The following OTUD7A variants were observed in gnomAD, a reference collection of about 807,000 sequenced individuals.
The protein encoded by OTUD7A is OTU domain-containing protein 7A.
A neutral mutation model predicts 65.7 loss-of-function variants in OTUD7A; 12 were observed. The ratio of observed to expected loss-of-function variants is 0.18; its 90% CI spans 0.12 to 0.30. The LOEUF (loss-of-function observed/expected upper bound fraction) is 0.30, where lower values mean the gene tolerates loss of function less well. OTUD7A is among the 10% of genes least tolerant of loss of function. The pLI, the probability that OTUD7A is intolerant of heterozygous loss-of-function variation, is 1.00. For synonymous variants in OTUD7A, 641 were observed against 586.3 expected, an observed-to-expected ratio of 1.09 and a Z score of -1.35; for missense variants, 1,148 against 1,304.8, an observed-to-expected ratio of 0.88 and a Z score of 1.85.
intron 1 of OTUD7A, among the ~76,000 whole-genome samples, chr15:31,847,103 G>A (rs1256187212): frequency 6.6e-6 from 1 of 152,354 alleles, no homozygotes; most frequent in East Asian, 1.9e-4. Context: ...ATCCTTGTGA[G>A]TGAATGGGCC....
intron 8 of OTUD7A, among the ~76,000 whole-genome samples, chr15:31,524,920 G>C (rs1428009755): frequency 6.6e-6 from 1 of 152,216 alleles, no homozygotes; most frequent in Non-Finnish European, 1.5e-5. Context: ...AGGCAGCAGG[G>C]TACCAGACTG....
chr15:31,561,050 A>G (rs1888671244), intron 4 of OTUD7A, among the ~76,000 whole-genome samples: 1 of 152,292 alleles, frequency 6.6e-6, no homozygotes, highest in African/African-American at 2.4e-5. Flanking sequence ...TCCCATTAAA[A>G]TGAATACAGA....
chr15:31,483,354 GC>G lies in OTUD7A; in HGVS notation c.2741del (p.Cys914SerfsTer73), dbSNP rs1490921914. 1 of 1,285,302 alleles carries G rather than the reference GC, an allele frequency of 7.8e-7. No individual in the cohort carries two copies. Among genetic ancestry groups the G allele is most frequent in the Admixed American group, 3.7e-5 (1 of 26,752 alleles). The allele number at this position is 1,285,302 out of a possible 1,614,324, so 79.6% of individuals were successfully genotyped here. On this transcript the variant is annotated frameshift_variant, in exon 13 of 13. Coordinates refer to ENST00000307050, the MANE Select transcript of OTUD7A (RefSeq NM_001382637.1). LOFTEE classifies it high-confidence loss of function. ...FYGRAETEHY[C>X]SYCYREELRR... ...GCAGCTCCTCGCGGTAGCAGTAGGA[GC>G]AGTAGTGCTCGGTCTCGGCGCGCCC...
chr15:31,483,657 C>A lies in OTUD7A; in HGVS notation c.2439G>T (p.Ser813=). 8.6e-7 allele frequency: 1 copy of A among 1,169,258 alleles called. No homozygotes were observed. Among genetic ancestry groups the A allele is most frequent in the Non-Finnish European group, 1.1e-6 (1 of 949,980 alleles). 72.4% of individuals were successfully genotyped at this position (1,169,258 alleles called of 1,614,324 possible). ...CGGCGCGCGCCGGGCTGTAGCTCTG[C>A]GACGACAGCGAGCGGTTCTGCTGCG... ...TYPQQNRSLS[S]QSYSPARAAA... is the part of the protein sequence containing the mutation. The change falls in exon 13 of 13, where the codon TCG becomes TCT. Residue 813 remains serine (S), a synonymous_variant. Coordinates refer to ENST00000307050, the MANE Select transcript of OTUD7A (RefSeq NM_001382637.1).
intron 1 of OTUD7A, among the ~76,000 whole-genome samples, chr15:31,678,147 G>C (rs1892634738): frequency 6.6e-6 from 1 of 152,168 alleles, no homozygotes. Context: ...GTATCTGGTG[G>C]GAGAAATTTC....
chr15:31,790,524 A>G (rs1286640292), intron 1 of OTUD7A, among the ~76,000 whole-genome samples: 1 of 145,558 alleles, frequency 6.9e-6, no homozygotes, highest in Non-Finnish European at 1.5e-5. Context: ...TAAAAAGAGA[A>G]AGAGATTAAA....
intron 1 of OTUD7A, among the ~76,000 whole-genome samples, chr15:31,774,602 G>A (rs1288720540): frequency 6.6e-6 from 1 of 152,182 alleles, no homozygotes; most frequent in Non-Finnish European, 1.5e-5. Context: ...ACACAGTCAG[G>A]TGCATCTCCA....
chr15:31,746,953 G>T (rs1359241132), intron 1 of OTUD7A, among the ~76,000 whole-genome samples: 2 of 152,190 alleles, frequency 1.3e-5, no homozygotes, highest in East Asian at 1.9e-4. Context: ...TATATTGGTA[G>T]ATGCGTTTGT....
rs1207618782 is a variant in OTUD7A at position 31,609,663 on chromosome 15, T to C, written c.152-39466A>G. ...CTGGTAGCTGAGGACAAAGGGCATATACTCTTGGGAGTTCTAGGGTCCCAC... is the reference window on the plus strand; with the variant it reads ...CTGGTAGCTGAGGACAAAGGGCATACACTCTTGGGAGTTCTAGGGTCCCAC... On this transcript the variant is annotated intron_variant, in intron 3 of 12. Coordinates refer to ENST00000307050, the MANE Select transcript of OTUD7A (RefSeq NM_001382637.1). Among the ~76,000 whole-genome samples, 4 of 152,304 alleles carry C rather than the reference T, an allele frequency of 2.6e-5. No individual in the cohort carries two copies. The East Asian group carries it at 5.8e-4, about 22-fold the overall frequency.
chr15:31,618,894 T>A (rs1316986100), intron 3 of OTUD7A, among the ~76,000 whole-genome samples: 5 of 152,212 alleles, frequency 3.3e-5, no homozygotes, highest in Non-Finnish European at 7.3e-5. Context: ...CTTCTAGGGT[T>A]TTTATGGTTT....
chr15:31,483,830 C>A lies in OTUD7A; in HGVS notation c.2266G>T (p.Ala756Ser), dbSNP rs1203818375. 4.1e-6 allele frequency: 4 copies of A among 986,950 alleles called. No homozygotes were observed. In the African/African-American group the frequency reaches 7.2e-5, roughly 18 times the overall value. The allele number at this position is 986,950 out of a possible 1,614,324, so 61.1% of individuals were successfully genotyped here. ...GGTCCGCTGGCGCTCGCACGCCGCG[C>A]GCCTCCCCCCGGGGAGGCCGTGCCG... is the stretch of plus-strand genomic sequence containing the variant. The part of the protein sequence containing the change: ...AGGTASPGGG[A>S]RRASASGPVP... Residue 756 changes from alanine to serine, a missense_variant, in exon 13 of 13, where the codon GCG becomes TCG. Ala to Ser is a moderately conservative substitution (Grantham distance 99). Around this residue, in one of 6 missense-constraint regions of OTUD7A, gnomAD observed 842 missense variants for 769.5 expected, o/e 1.09. Coordinates refer to ENST00000307050, the MANE Select transcript of OTUD7A (RefSeq NM_001382637.1).
chr15:31,664,093 C>T (rs1027556464), intron 1 of OTUD7A, among the ~76,000 whole-genome samples: 11 of 152,172 alleles, frequency 7.2e-5, no homozygotes, highest in African/African-American at 2.7e-4. Flanking sequence ...TTGGGTTGGT[C>T]CCATGATTTT....
At chr15:31,632,907 G>A (rs576289254) in intron 3 of OTUD7A, among the ~76,000 whole-genome samples, 17 of 152,356 alleles carry the variant, frequency 1.1e-4, no homozygotes, top group Non-Finnish European at 1.6e-4. Flanking sequence ...CTCCGTGGGC[G>A]TAGGACCCTC....
chr15:31,568,667 A>G (rs1416661410), intron 4 of OTUD7A, among the ~76,000 whole-genome samples: 1 of 152,218 alleles, frequency 6.6e-6, no homozygotes, highest in African/African-American at 2.4e-5. Context: ...GCAATCCGCC[A>G]TCTTGGAGGT....
intron 3 of OTUD7A, among the ~76,000 whole-genome samples, chr15:31,595,958 C>T (rs1398624755): frequency 1.3e-5 from 2 of 152,100 alleles, no homozygotes; most frequent in Non-Finnish European, 2.9e-5. Context: ...CTTCAAGTCT[C>T]GGTGACCTCT....
At chr15:31,653,748 T>C (rs1891909233) in intron 3 of OTUD7A, among the ~76,000 whole-genome samples, 1 of 151,616 alleles carries the variant, frequency 6.6e-6, no homozygotes, top group African/African-American at 2.4e-5. Context: ...AATTTTTCTG[T>C]ATCTTAATGT....
intron 3 of OTUD7A, among the ~76,000 whole-genome samples, chr15:31,609,990 C>T (rs1890352555): frequency 2.6e-5 from 4 of 152,142 alleles, no homozygotes; most frequent in Admixed American, 1.3e-4. Context: ...TGCAGCTCAG[C>T]TCACAGGAAA....
chr15:31,498,803 A>G lies in OTUD7A; in HGVS notation c.1171+2887T>C, dbSNP rs1191503190. 6.6e-6 allele frequency among the ~76,000 whole-genome samples: 1 copy of G among 152,218 alleles called. No individual in the cohort carries two copies. The highest frequency in any genetic ancestry group is 1.5e-5 in the Non-Finnish European group (1 of 68,040). On this transcript the variant is annotated intron_variant, in intron 10 of 12. Transcript: ENST00000307050. The surrounding 1 kb of genome is among the most constrained non-coding windows in gnomAD (Gnocchi z 4.2). The stretch of plus-strand genomic sequence containing the variant: ...TACCAAGAAAGAATGCATACATTTT[A>G]TCTAAAAAGTCCTAAGATAAATTTG...
At chr15:31,834,895 G>A (rs1897018160) in intron 1 of OTUD7A, among the ~76,000 whole-genome samples, 1 of 152,354 alleles carries the variant, frequency 6.6e-6, no homozygotes, top group East Asian at 1.9e-4. Context: ...ATAATTAGAT[G>A]CTGGCAAGAC....
Sources: allele counts gnomAD v4.1 joint callset (sites outside exome capture counted in the v4.1 genomes callset), GRCh38; gene constraint gnomAD v4.1.1; regional missense constraint gnomAD v4.1.1; non-coding constraint Gnocchi (gnomAD v3.1); transcripts MANE v1.5; gene names NCBI Gene and HGNC (gene_info 2026-07-23, HGNC 2026-07-21).